CAP2: variants seen among roughly 807,000 people sequenced by gnomAD.
CAP2 encodes the protein cyclase associated actin cytoskeleton regulatory protein 2.
CAP2 carries 24 observed loss-of-function variants against 57.7 expected under a neutral mutation model. The ratio of observed to expected loss-of-function variants is 0.42; its 90% CI spans 0.30 to 0.58. The LOEUF (loss-of-function observed/expected upper bound fraction) is 0.58. Among genes scored for constraint, CAP2 ranks in the 20% least tolerant of loss-of-function variants. CAP2 has a pLI of 0.22. For missense variants in CAP2, 501 were observed against 590.3 expected (o/e 0.85, Z 1.57); for synonymous variants, 194 against 207.2 (o/e 0.94, Z 0.55).
intron 4 of CAP2, among the ~76,000 whole-genome samples, chr6:17,505,745 A>G (rs1393399677): frequency 6.6e-6 from 1 of 152,224 alleles, no homozygotes; most frequent in Non-Finnish European, 1.5e-5. Context: ...ACAACCTTGT[A>G]TCTGCTTTTC....
At chr6:17,439,387 T>C (rs1392479304) in intron 3 of CAP2, among the ~76,000 whole-genome samples, 1 of 151,412 alleles carries the variant, frequency 6.6e-6, no homozygotes, top group Non-Finnish European at 1.5e-5. Context: ...TTTTTGGACT[T>C]TCTGTTCATT....
chr6:17,555,722 C>G (rs1426018086), intron 12 of CAP2, among the ~76,000 whole-genome samples: 1 of 151,586 alleles, frequency 6.6e-6, no homozygotes, highest in Non-Finnish European at 1.5e-5. Flanking sequence ...TGCCACCATT[C>G]CTGGCTAATT....
chr6:17,445,191 C>T (rs1760223161), intron 3 of CAP2, among the ~76,000 whole-genome samples: 1 of 152,204 alleles, frequency 6.6e-6, no homozygotes, highest in African/African-American at 2.4e-5. Context: ...ACTGCAACCT[C>T]CACCTCCCAG....
intron 3 of CAP2, among the ~76,000 whole-genome samples, chr6:17,456,817 C>G (rs1760583392): frequency 6.6e-6 from 1 of 152,118 alleles, no homozygotes; most frequent in Non-Finnish European, 1.5e-5. Context: ...TGCCTGTGGC[C>G]TTTCCCCCCG....
intron 7 of CAP2, among the ~76,000 whole-genome samples, chr6:17,519,880 A>T (rs561144485): frequency 3.9e-4 from 59 of 152,362 alleles, no homozygotes; most frequent in Admixed American, 1.8e-3. Context: ...GATAAAGGTC[A>T]TGTAAAGAAT....
At chr6:17,526,026 A>G (rs1217686420) in intron 7 of CAP2, among the ~76,000 whole-genome samples, 4 of 152,138 alleles carry the variant, frequency 2.6e-5, no homozygotes, top group African/African-American at 9.7e-5. Context: ...TGCTAAATCC[A>G]CTGTATTCAT....
At chr6:17,479,568 G>A (rs1761235340) in intron 4 of CAP2, among the ~76,000 whole-genome samples, 1 of 151,024 alleles carries the variant, frequency 6.6e-6, no homozygotes, top group Non-Finnish European at 1.5e-5. Context: ...GGAAGGGGTA[G>A]AAGAGAGAAA....
chr6:17,428,416 G>T (rs1759643767), intron 3 of CAP2, among the ~76,000 whole-genome samples: 1 of 152,052 alleles, frequency 6.6e-6, no homozygotes, highest in African/African-American at 2.4e-5. Context: ...TTCTCACTAA[G>T]GATTGAATTC....
At chr6:17,451,658 C>T (rs191061951) in intron 3 of CAP2, among the ~76,000 whole-genome samples, 1 of 152,090 alleles carries the variant, frequency 6.6e-6, no homozygotes, top group East Asian at 1.9e-4. Flanking sequence ...TACAGGAACC[C>T]GCCACCACGC....
At chr6:17,446,373 A>T (rs1760257077) in intron 3 of CAP2, among the ~76,000 whole-genome samples, 1 of 152,202 alleles carries the variant, frequency 6.6e-6, no homozygotes, top group South Asian at 2.1e-4. Context: ...TTAGATACCA[A>T]ACAAGATTTT....
intron 4 of CAP2, among the ~76,000 whole-genome samples, chr6:17,477,194 C>G (rs9370995): frequency 0.45 from 69,051 of 152,088 alleles, 17,496 homozygotes; most frequent in East Asian, 0.79. Context: ...CTTTCTTTCT[C>G]CATCTTTTGC....
At chr6:17,443,574 G>GACACACACACAC (rs3075206) in intron 3 of CAP2, among the ~76,000 whole-genome samples, 49 of 150,138 alleles carry the variant, frequency 3.3e-4, no homozygotes, top group Middle Eastern at 3.4e-3. Context: ...AAAACACACA[G>GACACACACACAC]ACACACACAC....
In CAP2 at chr6:17,539,295, G is replaced by C; in HGVS notation, c.663G>C (p.Ala221=). Residue 221 remains alanine, a synonymous_variant, in exon 8 of 13, where the codon GCG becomes GCC. Transcript: ENST00000229922. The part of the protein sequence containing the change: ...KTGPVASTVS[A]FSVLSSGPGL... ...GTCCTGTAGCATCCACAGTATCAGC[G>C]TTTTCTGTCCTCTCCTCTGGGCCTG... The C allele has an allele frequency of 6.2e-7, 1 of 1,613,718 alleles. No homozygotes were observed.
intron 4 of CAP2, among the ~76,000 whole-genome samples, chr6:17,491,421 G>A (rs1310127924): frequency 6.6e-6 from 1 of 152,288 alleles, no homozygotes; most frequent in East Asian, 1.9e-4. Flanking sequence ...TCCATGATAT[G>A]CTTTTTCTTC....
intron 12 of CAP2, among the ~76,000 whole-genome samples, chr6:17,554,310 T>C (rs1163487635): frequency 6.6e-6 from 1 of 152,194 alleles, no homozygotes; most frequent in African/African-American, 2.4e-5. Context: ...TCCCTGAGGA[T>C]AGGCAGAGAC....
At chr6:17,550,432 T>C in intron 11 of CAP2, among the ~76,000 whole-genome samples, 1 of 113,482 alleles carries the variant, frequency 8.8e-6, no homozygotes, top group South Asian at 3.1e-4. Flanking sequence ...GCACTGGGGC[T>C]CAATTCCAAC....
intron 9 of CAP2, 72 bp downstream of exon 9, chr6:17,541,220 C>A: frequency 3.3e-6 from 4 of 1,200,596 alleles, no homozygotes; most frequent in Non-Finnish European, 3.5e-6. Flanking sequence ...AACCATTTAC[C>A]AAGATCTGAA....
At chr6:17,475,865 CAGA>C (rs1275792059) in intron 4 of CAP2, among the ~76,000 whole-genome samples, 1 of 152,216 alleles carries the variant, frequency 6.6e-6, no homozygotes, top group Non-Finnish European at 1.5e-5. Flanking sequence ...AACTGCAGCG[CAGA>C]AGAACTTCAG....
chr6:17,415,897 A>C (rs989239127), intron 1 of CAP2, among the ~76,000 whole-genome samples: 3 of 152,142 alleles, frequency 2.0e-5, no homozygotes, highest in Non-Finnish European at 4.4e-5. Context: ...AGAGTGAGCT[A>C]GTTAAGGGCT....
Sources: gnomAD v4.1 joint callset for allele counts (sites outside exome capture counted in the v4.1 genomes callset) on GRCh38, gnomAD v4.1.1 for gene constraint, MANE v1.5 for transcripts, NCBI Gene and HGNC (gene_info 2026-07-23, HGNC 2026-07-21) for gene names.